Variants in NLGN1 observed in about 807,000 individuals in gnomAD.
NLGN1 encodes neuroligin 1.
Under a neutral mutation model 65.5 loss-of-function variants are expected in NLGN1, and 12 were observed. The observed-to-expected ratio is 0.18, with a 90% confidence interval of 0.12 to 0.30. The LOEUF (loss-of-function observed/expected upper bound fraction) is 0.30. NLGN1 is among the 10% of genes least tolerant of loss of function. NLGN1 has a pLI of 1.00. For missense variants in NLGN1, 750 were observed against 1,007.1 expected (o/e 0.74, Z 3.46); for synonymous variants, 350 against 359.5 (o/e 0.97, Z 0.30).
At chr3:173,561,654 T>C (rs1317280710) in intron 2 of NLGN1, among the ~76,000 whole-genome samples, 1 of 152,206 alleles carries the variant, frequency 6.6e-6, no homozygotes, top group East Asian at 1.9e-4. Context: ...TTAAAGACTT[T>C]TCTGTGCAAA....
At chr3:173,827,813 G>A (rs554354765) in intron 4 of NLGN1, among the ~76,000 whole-genome samples, 1 of 152,098 alleles carries the variant, frequency 6.6e-6, no homozygotes, top group African/African-American at 2.4e-5. Context: ...AGAATTAAGA[G>A]CACTGATGTC....
intron 3 of NLGN1, among the ~76,000 whole-genome samples, chr3:173,718,253 C>A (rs12485932): frequency 0.15 from 22,213 of 152,032 alleles, 1,678 homozygotes; most frequent in Middle Eastern, 0.18. Flanking sequence ...TCCTTCTTCT[C>A]TCTAACTATA....
intron 3 of NLGN1, among the ~76,000 whole-genome samples, chr3:173,755,335 T>G (rs182666594): frequency 1.2e-4 from 19 of 152,246 alleles, no homozygotes; most frequent in Non-Finnish European, 2.4e-4. Flanking sequence ...TTCTTATGAT[T>G]GAATATGATC....
At chr3:174,005,026 T>C (rs1724079572) in intron 4 of NLGN1, among the ~76,000 whole-genome samples, 1 of 152,156 alleles carries the variant, frequency 6.6e-6, no homozygotes, top group Non-Finnish European at 1.5e-5. Context: ...AATCCAGTAA[T>C]TAATATTTCC....
chr3:173,838,800 A>G (rs1288605334), intron 4 of NLGN1, among the ~76,000 whole-genome samples: 1 of 152,214 alleles, frequency 6.6e-6, no homozygotes, highest in Admixed American at 6.5e-5. Flanking sequence ...AACGGATTCT[A>G]TACTCATAGA....
intron 4 of NLGN1, among the ~76,000 whole-genome samples, chr3:173,960,219 T>A (rs1436312268): frequency 5.3e-5 from 8 of 152,072 alleles, no homozygotes. Context: ...ACGGGCTCTC[T>A]TTTTGCTTTT....
intron 4 of NLGN1, among the ~76,000 whole-genome samples, chr3:173,904,387 T>A (rs1737945832): frequency 6.6e-6 from 1 of 152,144 alleles, no homozygotes; most frequent in East Asian, 1.9e-4. Flanking sequence ...GATCAAGGGG[T>A]TAGAATCTCT....
chr3:173,504,840 A>G (rs1435695795), intron 2 of NLGN1, among the ~76,000 whole-genome samples: 1 of 151,998 alleles, frequency 6.6e-6, no homozygotes, highest in Non-Finnish European at 1.5e-5. Flanking sequence ...CTTCTTTCAG[A>G]ATTCCCTGCA....
intron 4 of NLGN1, among the ~76,000 whole-genome samples, chr3:174,013,804 C>G (rs1161017244): frequency 6.6e-6 from 1 of 152,192 alleles, no homozygotes; most frequent in East Asian, 1.9e-4. Flanking sequence ...GCAGCCTCAA[C>G]ATGCTGGGCT....
chr3:173,503,394 A>G (rs1206977410), intron 2 of NLGN1, among the ~76,000 whole-genome samples: 1 of 152,078 alleles, frequency 6.6e-6, no homozygotes, highest in African/African-American at 2.4e-5. Flanking sequence ...TTCCGTCATT[A>G]TAAAGGCATG....
chr3:173,415,290 G>A (rs1713447122), intron 1 of NLGN1, among the ~76,000 whole-genome samples: 1 of 152,158 alleles, frequency 6.6e-6, no homozygotes, highest in Non-Finnish European at 1.5e-5. Context: ...TATTATATAG[G>A]GATTGCTATT....
Position 173,446,502 on chromosome 3 carries a change from T to A in NLGN1, c.-321+11424T>A, listed in dbSNP as rs931069146. Among the ~76,000 whole-genome samples, 6 of 152,210 alleles carry A rather than the reference T, an allele frequency of 3.9e-5. No individual in the cohort carries two copies. In the East Asian group the frequency reaches 1.2e-3, roughly 29 times the overall value. On this transcript the variant is annotated intron_variant, in intron 2 of 6. Transcript: ENST00000457714. ...TGGGTTGGTTCTAAGTCTTTGCTAT[T>A]GTGAATAGTGCCGCAATAAACATAC...
intron 3 of NLGN1, among the ~76,000 whole-genome samples, chr3:173,785,183 A>G (rs1421353502): frequency 2.0e-5 from 3 of 152,198 alleles, no homozygotes; most frequent in African/African-American, 7.2e-5. Flanking sequence ...GCAGGGGGCC[A>G]AGAATTCCTT....
chr3:173,531,238 G>A (rs1178118498), intron 2 of NLGN1, among the ~76,000 whole-genome samples: 1 of 151,990 alleles, frequency 6.6e-6, no homozygotes, highest in Non-Finnish European at 1.5e-5. Flanking sequence ...GAAAATTGGT[G>A]AAAATATATA....
rs115545545 is a variant in NLGN1 at position 173,671,174 on chromosome 3, G to A, written c.493+66083G>A. Among the ~76,000 whole-genome samples, 1,431 of 152,228 alleles carry A rather than the reference G, an allele frequency of 9.4e-3. 21 individuals are homozygous for A. Among genetic ancestry groups the A allele is most frequent in the African/African-American group, 0.033 (1,350 of 41,532 alleles). ...GCAAAACTCTGAGCAATTAGAAGAA[G>A]TAGCATAAAACCTATAGCGAAATAA... On this transcript the variant is annotated intron_variant, in intron 3 of 6. Coordinates refer to ENST00000457714, the Ensembl canonical transcript of NLGN1.
intron 4 of NLGN1, among the ~76,000 whole-genome samples, chr3:174,170,164 A>G (rs1354216303): frequency 1.3e-5 from 2 of 151,740 alleles, no homozygotes; most frequent in Non-Finnish European, 2.9e-5. Flanking sequence ...TTTATGTACT[A>G]TCTTGCTGTT....
chr3:173,683,465 G>A (rs1764253013), intron 3 of NLGN1, among the ~76,000 whole-genome samples: 1 of 152,146 alleles, frequency 6.6e-6, no homozygotes, highest in African/African-American at 2.4e-5. Context: ...CATATTGGGG[G>A]ATCTCCAAGT....
In NLGN1 at chr3:173,563,391, G is replaced by T. The variant is rs576336531; in HGVS notation, c.-320-40888G>T. Among the ~76,000 whole-genome samples, 13 of 152,200 alleles carry T rather than the reference G, an allele frequency of 8.5e-5. No individual in the cohort carries two copies. The South Asian group carries it at 2.7e-3, about 32-fold the overall frequency. On this transcript the variant is annotated intron_variant, in intron 2 of 6. Transcript: ENST00000457714. Reference sequence around the variant, plus strand: ...ATCGGAACAAACCAATATATCTGTTGAAAAAATCTAAAGGAAATAACGTAT... The same window carrying T: ...ATCGGAACAAACCAATATATCTGTTTAAAAAATCTAAAGGAAATAACGTAT...
At chr3:174,169,009 G>T (rs1728052379) in intron 4 of NLGN1, among the ~76,000 whole-genome samples, 1 of 152,174 alleles carries the variant, frequency 6.6e-6, no homozygotes, top group African/African-American at 2.4e-5. Flanking sequence ...CTCCACACAG[G>T]AGGGGTGGGG....
Sources: allele counts gnomAD v4.1 joint callset (sites outside exome capture counted in the v4.1 genomes callset), GRCh38; gene constraint gnomAD v4.1.1; transcripts MANE v1.5; gene names NCBI Gene and HGNC (gene_info 2026-07-23, HGNC 2026-07-21).